The following MAD1L1 variants were observed in gnomAD, a reference collection of about 807,000 sequenced individuals.
MAD1L1 encodes mitotic arrest deficient 1 like 1.
A neutral mutation model predicts 96.9 loss-of-function variants in MAD1L1; 95 were observed. That is an observed-to-expected ratio of 0.98 (90% CI 0.83 to 1.16). The LOEUF is 1.16. Among genes scored for constraint, MAD1L1 ranks in the 50% most tolerant of loss-of-function variants. The probability of loss-of-function intolerance (pLI) is 0.00; values close to 1 mark genes in which losing one functional copy is unlikely to be tolerated. For missense variants in MAD1L1, 1,007 were observed against 954.4 expected, an observed-to-expected ratio of 1.06 and a Z score of -0.73; for synonymous variants, 473 against 396.6, an observed-to-expected ratio of 1.19 and a Z score of -2.29.
chr7:1,938,649 A>G (rs1226965950), intron 16 of MAD1L1, among the ~76,000 whole-genome samples: 3 of 151,976 alleles, frequency 2.0e-5, no homozygotes, highest in Non-Finnish European at 4.4e-5. Context: ...TCTGCAAAAC[A>G]TGTGAGCAGA....
chr7:2,095,456 G>A (rs1786437621), intron 11 of MAD1L1, among the ~76,000 whole-genome samples: 1 of 152,248 alleles, frequency 6.6e-6, no homozygotes, highest in East Asian at 1.9e-4. Context: ...AATAGCAGAA[G>A]AGATGCAAAG....
At chr7:2,190,765 C>A (rs1347578962) in intron 10 of MAD1L1, among the ~76,000 whole-genome samples, 3 of 152,156 alleles carry the variant, frequency 2.0e-5, no homozygotes, top group Non-Finnish European at 4.4e-5. Context: ...CCGCACACAC[C>A]CACCAGGATG....
chr7:1,910,340 A>T (rs1274651055), intron 17 of MAD1L1, among the ~76,000 whole-genome samples: 1 of 152,174 alleles, frequency 6.6e-6, no homozygotes, highest in Non-Finnish European at 1.5e-5. Context: ...GGACAGAAAG[A>T]TGCCTGCAGG....
At chr7:1,883,972 G>C (rs1203534022) in intron 18 of MAD1L1, among the ~76,000 whole-genome samples, 1 of 152,196 alleles carries the variant, frequency 6.6e-6, no homozygotes, top group Non-Finnish European at 1.5e-5. Context: ...GCCTGGAGGA[G>C]GAACCGCAGG....
chr7:2,112,207 G>A (rs1242895768), intron 11 of MAD1L1, among the ~76,000 whole-genome samples: 1 of 152,182 alleles, frequency 6.6e-6, no homozygotes, highest in Non-Finnish European at 1.5e-5. Context: ...TGGCCAGGGA[G>A]GGGAGTCTGG....
chr7:1,936,017 G>T (rs1157381398), intron 17 of MAD1L1, among the ~76,000 whole-genome samples: 1 of 152,224 alleles, frequency 6.6e-6, no homozygotes, highest in Non-Finnish European at 1.5e-5. Flanking sequence ...AGGGGGCAGG[G>T]GTCTCCTGAG....
intron 17 of MAD1L1, among the ~76,000 whole-genome samples, chr7:1,907,177 C>T (rs960680465): frequency 7.2e-5 from 11 of 152,138 alleles, no homozygotes; most frequent in Non-Finnish European, 1.3e-4. Flanking sequence ...CCCATCCCCA[C>T]TATCTCCCCA....
rs569119174 is a variant in MAD1L1 at position 1,897,617 on chromosome 7, G to A, written c.1998+583C>T. On this transcript the variant is annotated intron_variant, in intron 18 of 18. Coordinates refer to ENST00000265854, the MANE Select transcript of MAD1L1 (RefSeq NM_001013836.2). ...ACCCCAATTTCTGCTGTTGGACCCC[G>A]CTCGCCCGAGGACTCTTCATGTCCA... Among the ~76,000 whole-genome samples the A allele has an allele frequency of 2.2e-4, 33 of 152,318 alleles. No homozygotes were observed. The South Asian group carries it at 5.6e-3, about 26-fold the overall frequency.
At chr7:2,156,767 G>A (rs990438361) in intron 10 of MAD1L1, among the ~76,000 whole-genome samples, 1 of 149,714 alleles carries the variant, frequency 6.7e-6, no homozygotes, top group Non-Finnish European at 1.5e-5. Flanking sequence ...GTTACAGTGA[G>A]CTGAGACCAC....
intron 15 of MAD1L1, 39 bp downstream of exon 15, chr7:1,980,414 C>G (rs758931542): frequency 6.4e-7 from 1 of 1,567,792 alleles, no homozygotes; most frequent in Non-Finnish European, 8.7e-7. Context: ...CTCTGGGGGA[C>G]ACACCTGGGC....
At chr7:1,995,573 G>A (rs944725081) in intron 14 of MAD1L1, among the ~76,000 whole-genome samples, 2 of 152,280 alleles carry the variant, frequency 1.3e-5, no homozygotes, top group Non-Finnish European at 2.9e-5. Flanking sequence ...AGGAGAGGCC[G>A]CCTCCAGGGC....
At chr7:1,885,682 G>A (rs1785969441) in intron 18 of MAD1L1, among the ~76,000 whole-genome samples, 1 of 152,180 alleles carries the variant, frequency 6.6e-6, no homozygotes, top group African/African-American at 2.4e-5. Flanking sequence ...ACAACCCCAA[G>A]GTGCCCACTC....
At chr7:1,893,907 T>G (rs1010591136) in intron 18 of MAD1L1, among the ~76,000 whole-genome samples, 4 of 152,360 alleles carry the variant, frequency 2.6e-5, no homozygotes, top group South Asian at 2.1e-4. Flanking sequence ...AGTGACCATC[T>G]GCAGGCAGAG....
At chr7:1,830,631 G>A (rs1367054363) in intron 18 of MAD1L1, among the ~76,000 whole-genome samples, 2 of 152,222 alleles carry the variant, frequency 1.3e-5, no homozygotes, top group East Asian at 3.8e-4. Context: ...ACTAAGGCAG[G>A]AAGGAGAAGA....
chr7:1,827,761 G>A (rs560473717), intron 18 of MAD1L1, among the ~76,000 whole-genome samples: 3 of 123,924 alleles, frequency 2.4e-5, no homozygotes, highest in South Asian at 2.8e-4. Context: ...TCCTGAGCCC[G>A]TCCCGGGTGT....
At chr7:1,853,866 G>C (rs1784105339) in intron 18 of MAD1L1, among the ~76,000 whole-genome samples, 2 of 152,168 alleles carry the variant, frequency 1.3e-5, no homozygotes, top group South Asian at 4.1e-4. Context: ...GCCCCACCTG[G>C]CCGTCTGACA....
At chr7:1,904,256 G>A (rs1463657280) in intron 17 of MAD1L1, among the ~76,000 whole-genome samples, 10 of 137,642 alleles carry the variant, frequency 7.3e-5, no homozygotes, top group South Asian at 7.2e-4. Flanking sequence ...CATGATTGAT[G>A]AAGCACTGTT....
At chr7:1,831,736 G>T (rs1211369566) in intron 18 of MAD1L1, among the ~76,000 whole-genome samples, 1 of 152,204 alleles carries the variant, frequency 6.6e-6, no homozygotes, top group Non-Finnish European at 1.5e-5. Flanking sequence ...AGCTCTTGGG[G>T]CCCTTAAGAA....
At chr7:2,006,382 T>C (rs1782030736) in intron 13 of MAD1L1, among the ~76,000 whole-genome samples, 1 of 152,178 alleles carries the variant, frequency 6.6e-6, no homozygotes. Flanking sequence ...TGCGTGCCTG[T>C]CCTGGGCCTC....
Sources: gnomAD v4.1 joint callset for allele counts (sites outside exome capture counted in the v4.1 genomes callset) on GRCh38, gnomAD v4.1.1 for gene constraint, MANE v1.5 for transcripts, NCBI Gene and HGNC (gene_info 2026-07-23, HGNC 2026-07-21) for gene names.